Variants in SGCD observed in about 807,000 individuals in gnomAD.
The protein encoded by SGCD is sarcoglycan delta.
A neutral mutation model predicts 36.6 loss-of-function variants in SGCD; 18 were observed. The ratio of observed to expected loss-of-function variants is 0.49; its 90% CI spans 0.34 to 0.73. The LOEUF is 0.73. SGCD is among the 30% of genes least tolerant of loss of function. The pLI, the probability that SGCD is intolerant of heterozygous loss-of-function variation, is 0.01. For synonymous variants in SGCD, 133 were observed against 130.6 expected (o/e 1.02, Z -0.12); for missense variants, 387 against 346.7 (o/e 1.12, Z -0.92).
chr5:155,932,851 G>A (rs567858925), intron 1 of SGCD, among the ~76,000 whole-genome samples: 17 of 151,832 alleles, frequency 1.1e-4, no homozygotes, highest in Non-Finnish European at 2.5e-4. Flanking sequence ...GCAAAAAGAT[G>A]GAGTCATTTA....
chr5:156,019,282 TGCTACGCTACTTCTAG>T (rs1759049190), intron 1 of SGCD, among the ~76,000 whole-genome samples: 1 of 152,222 alleles, frequency 6.6e-6, no homozygotes, highest in Non-Finnish European at 1.5e-5. Context: ...AATCACCATA[TGCTACGCTACTTCTAG>T]GCTTGGACTC....
intron 2 of SGCD, among the ~76,000 whole-genome samples, chr5:156,329,914 G>A (rs948869824): frequency 2.0e-5 from 3 of 150,998 alleles, no homozygotes; most frequent in African/African-American, 7.3e-5. Flanking sequence ...CTACTCGGGA[G>A]GCTGATGCAG....
At chr5:156,048,856 T>C (rs1203486257) in intron 1 of SGCD, among the ~76,000 whole-genome samples, 2 of 152,176 alleles carry the variant, frequency 1.3e-5, no homozygotes, top group South Asian at 2.1e-4. Context: ...ATTTTGGCTT[T>C]TGTTGCCATT....
chr5:156,409,506 G>A (rs1023660646), intron 3 of SGCD, among the ~76,000 whole-genome samples: 5 of 152,072 alleles, frequency 3.3e-5, no homozygotes, highest in Non-Finnish European at 7.4e-5. Context: ...CCCGGGCCCG[G>A]CTGGGCCCTT....
chr5:155,852,011 C>T, the SGCD span, among the ~76,000 whole-genome samples: 1 of 152,190 alleles, frequency 6.6e-6, no homozygotes, highest in Non-Finnish European at 1.5e-5. Context: ...GCTGCTAGCG[C>T]AGAGCCTGGA....
intron 1 of SGCD, among the ~76,000 whole-genome samples, chr5:156,016,444 C>T (rs1458981401): frequency 1.3e-5 from 2 of 151,956 alleles, no homozygotes; most frequent in African/African-American, 2.4e-5. Flanking sequence ...AACAAGATTC[C>T]AAAAGTCAAA....
At chr5:156,612,952 T>C (rs573917806) in intron 6 of SGCD, among the ~76,000 whole-genome samples, 3 of 152,214 alleles carry the variant, frequency 2.0e-5, no homozygotes, top group Non-Finnish European at 4.4e-5. Context: ...TATAGGTGTG[T>C]GTAGCAGTAA....
At chr5:156,635,417 T>A (rs878930021) in intron 6 of SGCD, among the ~76,000 whole-genome samples, 1 of 152,082 alleles carries the variant, frequency 6.6e-6, no homozygotes, top group African/African-American at 2.4e-5. Flanking sequence ...AGAAATGGGA[T>A]CACTTTTACA....
intron 1 of SGCD, among the ~76,000 whole-genome samples, chr5:156,062,533 G>C (rs1249535163): frequency 1.7e-5 from 2 of 115,882 alleles, no homozygotes; most frequent in African/African-American, 3.9e-5. Flanking sequence ...GGTTGAACTA[G>C]TTTACAGTCC....
intron 1 of SGCD, among the ~76,000 whole-genome samples, chr5:155,939,518 C>T (rs1024397423): frequency 1.3e-5 from 2 of 151,446 alleles, no homozygotes; most frequent in Non-Finnish European, 1.5e-5. Context: ...GTGACATGTG[C>T]CTGTAGTCCC....
intron 4 of SGCD, among the ~76,000 whole-genome samples, chr5:156,555,223 A>T (rs1318947117): frequency 1.3e-5 from 2 of 151,870 alleles, no homozygotes; most frequent in African/African-American, 4.8e-5. Flanking sequence ...TTTATTTTTG[A>T]TGAAGTCCAA....
chr5:156,453,099 G>T (rs1754095540), intron 3 of SGCD, among the ~76,000 whole-genome samples: 1 of 152,102 alleles, frequency 6.6e-6, no homozygotes, highest in Non-Finnish European at 1.5e-5. Flanking sequence ...GTGTCCTAGA[G>T]AAGACAAATA....
At chr5:156,158,106 G>A (rs1232114656) in intron 3 of SGCD, among the ~76,000 whole-genome samples, 2 of 150,694 alleles carry the variant, frequency 1.3e-5, no homozygotes, top group Non-Finnish European at 2.9e-5. Flanking sequence ...GGTTCCCACT[G>A]GTGGAAAGGA....
At chr5:155,987,365 C>T (rs954391141) in intron 1 of SGCD, among the ~76,000 whole-genome samples, 5 of 152,280 alleles carry the variant, frequency 3.3e-5, no homozygotes, top group African/African-American at 4.8e-5. Flanking sequence ...CTAAAATCCA[C>T]GCTCTTCCAT....
chr5:156,386,312 G>A (rs1464563230), intron 3 of SGCD, among the ~76,000 whole-genome samples: 1 of 152,072 alleles, frequency 6.6e-6, no homozygotes, highest in South Asian at 2.1e-4. Flanking sequence ...AATGTCCCCT[G>A]GTCTCTCTAA....
At chr5:155,968,566 C>T (rs995676395) in intron 1 of SGCD, among the ~76,000 whole-genome samples, 1 of 152,014 alleles carries the variant, frequency 6.6e-6, no homozygotes, top group African/African-American at 2.4e-5. Flanking sequence ...TTGTTAATCT[C>T]TTATAGTGTG....
At position 156,551,492 on chromosome 5, in the gene SGCD, C is replaced by T. The variant is rs1368301; in HGVS notation, c.295-37739C>T. Among the ~76,000 whole-genome samples, 71 of 152,010 alleles carry T rather than the reference C, an allele frequency of 4.7e-4. No individual in the cohort carries two copies. The South Asian group carries it at 0.011, about 24-fold the overall frequency. On this transcript the variant is annotated intron_variant, in intron 4 of 8. Coordinates refer to ENST00000337851, the MANE Select transcript of SGCD (RefSeq NM_000337.6). ...CTCTCTCCTTGGATGTGTGTGTTCA[C>T]GGGAACAGGGCAGGGTTTTGCGGGG...
intron 6 of SGCD, among the ~76,000 whole-genome samples, chr5:156,637,962 T>C (rs983198528): frequency 2.0e-5 from 3 of 152,116 alleles, no homozygotes; most frequent in African/African-American, 7.2e-5. Flanking sequence ...TCGTAAATGA[T>C]TTTGTAAGTT....
At chr5:156,001,349 G>A (rs998779198) in intron 1 of SGCD, among the ~76,000 whole-genome samples, 1 of 152,144 alleles carries the variant, frequency 6.6e-6, no homozygotes, top group African/African-American at 2.4e-5. Context: ...AGACTAATTT[G>A]TTTTATGGGG....
Sources: allele counts gnomAD v4.1 joint callset (sites outside exome capture counted in the v4.1 genomes callset), GRCh38; gene constraint gnomAD v4.1.1; transcripts MANE v1.5; gene names NCBI Gene and HGNC (gene_info 2026-07-23, HGNC 2026-07-21).